EXOC4: variants seen among roughly 807,000 people sequenced by gnomAD.
The protein encoded by EXOC4 is SEC8-like 1.
A neutral mutation model predicts 107.2 loss-of-function variants in EXOC4; 71 were observed. The ratio of observed to expected loss-of-function variants is 0.66; its 90% CI spans 0.55 to 0.81. The LOEUF (loss-of-function observed/expected upper bound fraction) is 0.81, where lower values mean the gene tolerates loss of function less well. EXOC4 is among the 30% of genes least tolerant of loss of function. The pLI is 0.00. For missense variants in EXOC4, 1,108 were observed against 1,189.6 expected (o/e 0.93, Z 1.01); for synonymous variants, 456 against 441.2 (o/e 1.03, Z -0.42).
At chr7:133,994,679 G>A (rs953078500) in intron 14 of EXOC4, among the ~76,000 whole-genome samples, 3 of 152,032 alleles carry the variant, frequency 2.0e-5, no homozygotes, top group Admixed American at 6.6e-5. Flanking sequence ...CCCAATACGC[G>A]TGGGCTCTTC....
chr7:133,330,743 C>T (rs1795364014), intron 5 of EXOC4, among the ~76,000 whole-genome samples: 1 of 152,074 alleles, frequency 6.6e-6, no homozygotes, highest in South Asian at 2.1e-4. Context: ...GGTGAGGCAA[C>T]ATCCCATCTT....
At chr7:133,910,252 C>T (rs1055718494) in intron 12 of EXOC4, among the ~76,000 whole-genome samples, 1 of 152,180 alleles carries the variant, frequency 6.6e-6, no homozygotes, top group Non-Finnish European at 1.5e-5. Context: ...TCTTGGTCCA[C>T]TTCCTGTGTT....
At chr7:133,634,513 G>A (rs945477893) in intron 10 of EXOC4, among the ~76,000 whole-genome samples, 4 of 151,512 alleles carry the variant, frequency 2.6e-5, no homozygotes, top group South Asian at 2.1e-4. Context: ...TTAAATAGAC[G>A]GAGTCTCACT....
At chr7:134,013,010 A>G (rs1464509824) in intron 17 of EXOC4, among the ~76,000 whole-genome samples, 1 of 152,208 alleles carries the variant, frequency 6.6e-6, no homozygotes, top group East Asian at 1.9e-4. Flanking sequence ...TTTGGTTTGC[A>G]TTCCTTTATC....
At chr7:133,826,796 T>G (rs1022612277) in intron 11 of EXOC4, among the ~76,000 whole-genome samples, 1 of 152,150 alleles carries the variant, frequency 6.6e-6, no homozygotes, top group African/African-American at 2.4e-5. Context: ...TGGCAATATT[T>G]TTTCCCCAGT....
chr7:133,974,949 C>G (rs1793792477), intron 14 of EXOC4, among the ~76,000 whole-genome samples: 1 of 151,912 alleles, frequency 6.6e-6, no homozygotes, highest in African/African-American at 2.4e-5. Flanking sequence ...ATGCTTTCAC[C>G]CCAAATTATG....
intron 11 of EXOC4, among the ~76,000 whole-genome samples, chr7:133,883,551 G>C (rs1799013012): frequency 6.6e-6 from 1 of 151,890 alleles, no homozygotes; most frequent in South Asian, 2.1e-4. Flanking sequence ...TCTGAGGTGG[G>C]AGGATTGCCT....
At chr7:133,738,779 TAC>T (rs769893162) in intron 10 of EXOC4, among the ~76,000 whole-genome samples, 1 of 152,224 alleles carries the variant, frequency 6.6e-6, no homozygotes, top group African/African-American at 2.4e-5. Context: ...GGAGCTTGGG[TAC>T]CATGTGAACC....
chr7:133,844,273 T>G (rs1461109623), intron 11 of EXOC4, among the ~76,000 whole-genome samples: 2 of 152,028 alleles, frequency 1.3e-5, no homozygotes, highest in African/African-American at 2.4e-5. Flanking sequence ...CTCTGTCAAT[T>G]TCTGTCAATT....
intron 11 of EXOC4, among the ~76,000 whole-genome samples, chr7:133,861,919 AC>A (rs1798542162): frequency 6.6e-6 from 1 of 152,190 alleles, no homozygotes; most frequent in South Asian, 2.1e-4. Context: ...GGTTTAGAGG[AC>A]AGGTACCTTT....
chr7:133,425,702 C>A (rs1797710342), intron 7 of EXOC4, among the ~76,000 whole-genome samples: 3 of 152,186 alleles, frequency 2.0e-5, no homozygotes, highest in Admixed American at 2.0e-4. Context: ...GACTTTAAGT[C>A]TGAGGAGAAA....
chr7:133,319,552 C>T (rs879410597), intron 5 of EXOC4, among the ~76,000 whole-genome samples: 4 of 151,952 alleles, frequency 2.6e-5, no homozygotes, highest in African/African-American at 4.8e-5. Context: ...TGCAGTGGTG[C>T]GATCTCGGCC....
chr7:133,725,272 CA>C (rs1323093997), intron 10 of EXOC4, among the ~76,000 whole-genome samples: 22 of 152,136 alleles, frequency 1.4e-4, no homozygotes, highest in African/African-American at 5.3e-4. Context: ...AGCAAAGAGG[CA>C]AAAGCAGGGA....
chr7:133,424,703 G>A (rs535442820), intron 7 of EXOC4, among the ~76,000 whole-genome samples: 1 of 152,314 alleles, frequency 6.6e-6, no homozygotes, highest in South Asian at 2.1e-4. Flanking sequence ...TCAGAATATT[G>A]TATATTCGAT....
chr7:133,866,906 A>G (rs1307111514), intron 11 of EXOC4, among the ~76,000 whole-genome samples: 1 of 152,196 alleles, frequency 6.6e-6, no homozygotes, highest in East Asian at 1.9e-4. Flanking sequence ...TCTCCTGAAG[A>G]GAGAAATGCG....
chr7:133,846,630 A>T (rs560027847), intron 11 of EXOC4, among the ~76,000 whole-genome samples: 13 of 152,338 alleles, frequency 8.5e-5, no homozygotes, highest in African/African-American at 3.1e-4. Context: ...AGGGACCAAC[A>T]ATCTTTTTCT....
the EXOC4 span, among the ~76,000 whole-genome samples, chr7:134,089,855 C>T: frequency 6.6e-5 from 10 of 151,950 alleles, no homozygotes; most frequent in Non-Finnish European, 1.2e-4. Context: ...TCCACATGTC[C>T]CCAGGCCTTA....
At chr7:133,408,050 G>C (rs989834099) in intron 7 of EXOC4, among the ~76,000 whole-genome samples, 2 of 152,162 alleles carry the variant, frequency 1.3e-5, no homozygotes, top group Admixed American at 1.3e-4. Context: ...GAAGTTAGTG[G>C]TGATGTTGGA....
Position 133,407,579 on chromosome 7 carries a change from A to T in EXOC4, c.1182+32577A>T, listed in dbSNP as rs181880696. Among the ~76,000 whole-genome samples the T allele has an allele frequency of 1.4e-4, 21 of 152,340 alleles. 1 individual carries two copies. The East Asian group carries it at 3.9e-3, about 28-fold the overall frequency. On this transcript the variant is annotated intron_variant, in intron 7 of 17. Transcript: ENST00000253861. ...GCCATATTCAAATATGTAATGTTTA[A>T]ATAAGCTATGAAGGATAGCAACCTT...
Sources: gnomAD v4.1 joint callset for allele counts (sites outside exome capture counted in the v4.1 genomes callset) on GRCh38, gnomAD v4.1.1 for gene constraint, MANE v1.5 for transcripts, NCBI Gene and HGNC (gene_info 2026-07-23, HGNC 2026-07-21) for gene names.